MLKL: variants seen among roughly 807,000 people sequenced by gnomAD.
MLKL encodes the protein mixed lineage kinase domain-like protein.
A neutral mutation model predicts 56.5 loss-of-function variants in MLKL; 55 were observed. That is an observed-to-expected ratio of 0.97 (90% CI 0.78 to 1.22). The LOEUF (loss-of-function observed/expected upper bound fraction) is 1.22, where lower values mean the gene tolerates loss of function less well. Among genes scored for constraint, MLKL ranks in the 50% most tolerant of loss-of-function variants. The probability of loss-of-function intolerance (pLI) is 0.00; values close to 1 mark genes in which losing one functional copy is unlikely to be tolerated. For synonymous variants in MLKL, 251 were observed against 208.3 expected (o/e 1.20, Z -1.76); for missense variants, 694 against 573.9 (o/e 1.21, Z -2.14).
chr16:74,687,954 T>G (rs1960434673), intron 4 of MLKL, among the ~76,000 whole-genome samples: 1 of 152,128 alleles, frequency 6.6e-6, no homozygotes, highest in South Asian at 2.1e-4. Flanking sequence ...GCCTCCTGAG[T>G]AGCTGGGACT....
chr16:74,690,781 C>CAA (rs58597472), intron 4 of MLKL, among the ~76,000 whole-genome samples: 3 of 49,906 alleles, frequency 6.0e-5, no homozygotes, highest in African/African-American at 8.8e-5. Context: ...GACCTTGTCT[C>CAA]AAAAAAAAAA....
intron 5 of MLKL, among the ~76,000 whole-genome samples, chr16:74,683,905 TC>T (rs1332512428): frequency 1.3e-5 from 2 of 152,144 alleles, no homozygotes; most frequent in African/African-American, 4.8e-5. Flanking sequence ...ACCTCAGCGG[TC>T]CCCAAGGAGA....
chr16:74,691,915 C>T (rs568051951), intron 3 of MLKL, among the ~76,000 whole-genome samples: 3 of 152,192 alleles, frequency 2.0e-5, no homozygotes, highest in Admixed American at 2.0e-4. Context: ...TCCTCCTCCA[C>T]CCCGTGAGCT....
At chr16:74,697,129 TTCCTTGAG>T (rs1961094426) in intron 1 of MLKL, among the ~76,000 whole-genome samples, 1 of 151,646 alleles carries the variant, frequency 6.6e-6, no homozygotes, top group Non-Finnish European at 1.5e-5. Flanking sequence ...GATAGGAGGA[TTCCTTGAG>T]TCCAGGAGGT....
intron 5 of MLKL, among the ~76,000 whole-genome samples, chr16:74,683,816 C>T (rs982995186): frequency 2.6e-5 from 4 of 152,040 alleles, no homozygotes; most frequent in South Asian, 2.1e-4. Flanking sequence ...ATGGCAGGGG[C>T]GGGTGAGGAC....
At chr16:74,691,201 G>A (rs1960649419) in intron 4 of MLKL, 76 bp downstream of exon 4, 2 of 1,383,438 alleles carry the variant, frequency 1.4e-6, no homozygotes, top group Non-Finnish European at 2.0e-6. Flanking sequence ...TCTAAAAATG[G>A]AGACGATATC....
Position 74,675,627 on chromosome 16 carries a change from C to T in MLKL, c.1176G>A (p.Lys392=). The T allele has an allele frequency of 6.2e-7, 1 of 1,613,560 alleles. No individual in the cohort carries two copies. Among genetic ancestry groups the T allele is most frequent in the East Asian group, 2.2e-5 (1 of 44,884 alleles). ...CGTGAGTGTACCTGTATATTTCAGA[C>T]TTTACATCATATTGATAAAATACAT... ...LEDVFYQYDV[K]SEIYSFGIVL... is the part of the protein sequence containing the mutation. Residue 392 remains lysine (K), a synonymous_variant, in exon 8 of 11, where the codon AAG becomes AAA. Transcript: ENST00000308807.
chr16:74,696,490 C>T (rs963344708), intron 1 of MLKL, among the ~76,000 whole-genome samples: 2 of 151,482 alleles, frequency 1.3e-5, no homozygotes, highest in Non-Finnish European at 2.9e-5. Context: ...TCCTACAGTC[C>T]TTTAAGAAAA....
chr16:74,693,463 A>AAAAAT, intron 2 of MLKL, among the ~76,000 whole-genome samples: 1 of 100,756 alleles, frequency 9.9e-6, no homozygotes, highest in African/African-American at 4.4e-5. Flanking sequence ...CAAAAAAAAA[A>AAAAAT]AAAAAGAAAA....
chr16:74,676,599 T>C (rs1959610999), intron 7 of MLKL: 1 of 398,076 alleles, frequency 2.5e-6, no homozygotes, highest in South Asian at 1.0e-4. Flanking sequence ...TCAGGCTGCA[T>C]GAAGAGCGTG....
intron 3 of MLKL, 143 bp from the exon 4 acceptor site, chr16:74,691,606 G>C (rs1411455734): frequency 1.1e-6 from 1 of 899,580 alleles, no homozygotes; most frequent in Middle Eastern, 3.5e-4. Flanking sequence ...GCTTCTGATG[G>C]ACTCAGCCCA....
At chr16:74,689,945 A>C (rs933710681) in intron 4 of MLKL, among the ~76,000 whole-genome samples, 1 of 152,204 alleles carries the variant, frequency 6.6e-6, no homozygotes, top group South Asian at 2.1e-4. Context: ...AGAGAGGAAA[A>C]TATAGAATGC....
intron 1 of MLKL, among the ~76,000 whole-genome samples, chr16:74,700,118 T>C (rs2144581797): frequency 6.6e-6 from 1 of 152,218 alleles, no homozygotes; most frequent in South Asian, 2.1e-4. Flanking sequence ...TTATCAGGCA[T>C]TTCCCTCTTC....
At chr16:74,674,183 C>G (rs1233687137) in intron 10 of MLKL, among the ~76,000 whole-genome samples, 2 of 141,740 alleles carry the variant, frequency 1.4e-5, no homozygotes, top group Non-Finnish European at 3.0e-5. Flanking sequence ...GAGATGGAGT[C>G]TTGCCCTGTT....
At position 74,674,970 on chromosome 16, in the gene MLKL, G is replaced by C. The variant is rs770740933; in HGVS notation, c.1371C>G (p.Pro457=). 1 of 1,614,136 alleles carries C rather than the reference G, an allele frequency of 6.2e-7. No individual in the cohort carries two copies. The highest frequency in any genetic ancestry group is 1.3e-5 in the African/African-American group (1 of 75,042). ...ECRAHDPSVR[P]SVDEILKKLS... is the part of the protein sequence containing the mutation. ...CAGAAAGAACCCTACCATCCACAGA[G>C]GGCCGCACAGAGGGATCATGGGCCC... is the stretch of plus-strand genomic sequence containing the variant. Residue 457 remains proline, a synonymous_variant, in exon 10 of 11, where the codon CCC becomes CCG. Transcript: ENST00000308807.
chr16:74,691,608 C>G (rs886088085), intron 3 of MLKL, 145 bp from the exon 4 acceptor site: 15 of 892,446 alleles, frequency 1.7e-5, no homozygotes, highest in Middle Eastern at 3.5e-4. Flanking sequence ...TTCTGATGGA[C>G]TCAGCCCAAG....
At chr16:74,675,945 C>T in intron 7 of MLKL, 181 bp from the exon 8 acceptor site, 1 of 649,616 alleles carries the variant, frequency 1.5e-6, no homozygotes, top group Non-Finnish European at 2.6e-6. Context: ...CAACTTATCA[C>T]AGTGCAGTGA....
intron 4 of MLKL, among the ~76,000 whole-genome samples, chr16:74,690,733 G>A (rs887805771): frequency 1.7e-5 from 2 of 118,282 alleles, no homozygotes; most frequent in Admixed American, 1.2e-4. Flanking sequence ...AATGAGCTAT[G>A]ATCTCACCAC....
chr16:74,692,432 G>C lies in MLKL; in HGVS notation c.461-16C>G, dbSNP rs752766640. The C allele has an allele frequency of 1.3e-6, 2 of 1,599,400 alleles. No homozygotes were observed. The highest frequency in any genetic ancestry group is 4.5e-5 in the East Asian group (2 of 44,826). Reference sequence around the variant, plus strand: ...TTTTCATTATCTGCAGGAAAAAAGGGCAGTATATGCTCAAAATAGATATTA... The same window carrying C: ...TTTTCATTATCTGCAGGAAAAAAGGCCAGTATATGCTCAAAATAGATATTA... On this transcript the variant is annotated splice_polypyrimidine_tract_variant and intron_variant, in intron 2 of 10. Coordinates refer to ENST00000308807, the MANE Select transcript of MLKL (RefSeq NM_152649.4).
Sources: allele counts gnomAD v4.1 joint callset (sites outside exome capture counted in the v4.1 genomes callset), GRCh38; gene constraint gnomAD v4.1.1; transcripts MANE v1.5; gene names NCBI Gene and HGNC (gene_info 2026-07-23, HGNC 2026-07-21).